The following MBP variants were observed in gnomAD, a reference collection of about 807,000 sequenced individuals.
The protein encoded by MBP is Golli-MBP.
MBP carries 16 observed loss-of-function variants against 35.8 expected under a neutral mutation model. The ratio of observed to expected loss-of-function variants is 0.45; its 90% CI spans 0.30 to 0.68. The LOEUF is 0.68. MBP is among the 30% of genes least tolerant of loss of function. The pLI, the probability that MBP is intolerant of heterozygous loss-of-function variation, is 0.08. For synonymous variants in MBP, 143 were observed against 159.6 expected (o/e 0.90, Z 0.78); for missense variants, 380 against 404.7 (o/e 0.94, Z 0.52).
chr18:77,039,682 A>G (rs1188189521), intron 3 of MBP, among the ~76,000 whole-genome samples: 2 of 152,250 alleles, frequency 1.3e-5, no homozygotes, highest in East Asian at 3.8e-4. Flanking sequence ...GCCTGACCTC[A>G]TCTCTGCTTC....
At chr18:77,051,436 A>G (rs1390509216) in intron 3 of MBP, among the ~76,000 whole-genome samples, 1 of 152,220 alleles carries the variant, frequency 6.6e-6, no homozygotes, top group Non-Finnish European at 1.5e-5. Context: ...TTAACCGTTC[A>G]ACAGTTAAGG....
In MBP at chr18:77,048,755, T is replaced by C. The variant is rs114737902; in HGVS notation, c.139+17543A>G. On this transcript the variant is annotated intron_variant, in intron 3 of 8. Transcript: ENST00000355994. ...TTGGGATTACAGGCGTGAGCCACCA[T>C]GCCCAGCCAATCTCTGTAGGTTCTA... Among the ~76,000 whole-genome samples, 169 of 151,972 alleles carry C rather than the reference T, an allele frequency of 1.1e-3. 1 individual carries two copies. The highest frequency in any genetic ancestry group is 3.9e-3 in the African/African-American group (163 of 41,482).
intron 3 of MBP, among the ~76,000 whole-genome samples, chr18:77,063,588 C>T (rs1399952354): frequency 6.6e-6 from 1 of 152,222 alleles, no homozygotes. Flanking sequence ...GCGAGCCTTG[C>T]TCCGGTGTCC....
intron 3 of MBP, among the ~76,000 whole-genome samples, chr18:77,028,888 A>G (rs1972394178): frequency 3.7e-5 from 4 of 109,188 alleles, no homozygotes; most frequent in Non-Finnish European, 6.7e-5. Context: ...CTCACTTCCC[A>G]GATGGGATGG....
chr18:77,001,579 G>A (rs775853163), intron 4 of MBP, among the ~76,000 whole-genome samples: 11 of 152,192 alleles, frequency 7.2e-5, no homozygotes, highest in East Asian at 1.9e-4. Context: ...GGCCAGGCAC[G>A]GTGGCTCACA....
rs921336 is a variant in MBP at position 77,020,516 on chromosome 18, G to T, written c.140-3248C>A. 0.21 allele frequency among the ~76,000 whole-genome samples: 31,559 copies of T among 152,082 alleles called. 3,821 individuals are homozygous for T. The highest frequency in any genetic ancestry group is 0.36 in the East Asian group (1,849 of 5,156). On this transcript the variant is annotated intron_variant, in intron 3 of 8. Coordinates refer to ENST00000355994, the MANE Select transcript of MBP (RefSeq NM_001025101.2). This position sits in a 1 kb window ranked among gnomAD's most constrained non-coding sequence, Gnocchi z 4.1. ...GCTATGACTCATTGCAATGAGAGGT[G>T]CATGGCGAAGTCCAGGAACCCCTCC...
chr18:77,093,612 T>C (rs1243472546), intron 2 of MBP, among the ~76,000 whole-genome samples: 1 of 152,192 alleles, frequency 6.6e-6, no homozygotes, highest in African/African-American at 2.4e-5. Flanking sequence ...GACGAGAGAC[T>C]TCCTTCGTGA....
chr18:76,990,090 A>G, intron 4 of MBP, 30 bp from the exon 5 acceptor site: 1 of 1,478,718 alleles, frequency 6.8e-7, no homozygotes, highest in Non-Finnish European at 9.4e-7. Context: ...TGACCTCAGG[A>G]CAAGTCCACA....
At chr18:77,056,549 G>A (rs1024856422) in intron 3 of MBP, among the ~76,000 whole-genome samples, 2 of 152,110 alleles carry the variant, frequency 1.3e-5, no homozygotes, top group South Asian at 2.1e-4. Flanking sequence ...TGTGGTAAGC[G>A]CTAATCTGCA....
intron 2 of MBP, among the ~76,000 whole-genome samples, chr18:77,094,899 A>G (rs1246682960): frequency 6.6e-6 from 1 of 152,206 alleles, no homozygotes; most frequent in Non-Finnish European, 1.5e-5. Context: ...TGTGGGCCAC[A>G]TGTGTCTAGA....
At chr18:77,010,403 G>A (rs540338002) in intron 4 of MBP, among the ~76,000 whole-genome samples, 1 of 152,312 alleles carries the variant, frequency 6.6e-6, no homozygotes, top group South Asian at 2.1e-4. Context: ...CACTTTACTT[G>A]CAGAGTTGTA....
chr18:77,082,139 A>C (rs1481833374), intron 2 of MBP, among the ~76,000 whole-genome samples: 1 of 152,220 alleles, frequency 6.6e-6, no homozygotes, highest in South Asian at 2.1e-4. Context: ...GGCGTGAGCC[A>C]CTGCGCCCGG....
chr18:77,090,277 A>G (rs948174707), intron 2 of MBP, among the ~76,000 whole-genome samples: 42 of 152,188 alleles, frequency 2.8e-4, no homozygotes, highest in African/African-American at 9.7e-4. Context: ...ATTAAACGTT[A>G]CTAAATTAAA....
At position 77,131,981 on chromosome 18, in the gene MBP, T is replaced by A. The variant is rs928444863; in HGVS notation, c.-26+599A>T. Among the ~76,000 whole-genome samples the A allele has an allele frequency of 1.3e-5, 2 of 152,072 alleles. No individual in the cohort carries two copies. Among genetic ancestry groups the A allele is most frequent in the African/African-American group, 4.8e-5 (2 of 41,410 alleles). On this transcript the variant is annotated intron_variant, in intron 1 of 8. Transcript: ENST00000355994. The surrounding 1 kb of genome is among the most constrained non-coding windows in gnomAD (Gnocchi z 5.5). ...CCGCCCCTGGAGCTCAGAGGGAGAC[T>A]GCGCTTCGCCCCGGGGGCAGGGGCA...
At chr18:77,092,831 C>T (rs957326523) in intron 2 of MBP, among the ~76,000 whole-genome samples, 1 of 152,202 alleles carries the variant, frequency 6.6e-6, no homozygotes, top group Non-Finnish European at 1.5e-5. Flanking sequence ...GCTCCCCTGA[C>T]CCCCGTTACA....
At chr18:77,082,795 C>T (rs139663918) in intron 2 of MBP, among the ~76,000 whole-genome samples, 1 of 136,998 alleles carries the variant, frequency 7.3e-6, no homozygotes, top group African/African-American at 2.7e-5. Flanking sequence ...CCATGTGGCT[C>T]AGAAGGATGA....
At chr18:77,053,200 G>A (rs1421240321) in intron 3 of MBP, among the ~76,000 whole-genome samples, 1 of 152,170 alleles carries the variant, frequency 6.6e-6, no homozygotes, top group African/African-American at 2.4e-5. Context: ...GAGGGTGGCC[G>A]CATCTGCAGT....
At chr18:76,986,762 C>CT (rs1969581268) in intron 7 of MBP, 1 of 985,378 alleles carries the variant, frequency 1.0e-6, no homozygotes. Context: ...TTAAGTCCTT[C>CT]TGTCTTACTC....
intron 3 of MBP, among the ~76,000 whole-genome samples, chr18:77,053,298 C>G (rs552828379): frequency 2.6e-5 from 4 of 152,230 alleles, no homozygotes; most frequent in Non-Finnish European, 5.9e-5. Context: ...GCAGGTCCAG[C>G]CAAGGGGCAC....
Sources: gnomAD v4.1 joint callset for allele counts (sites outside exome capture counted in the v4.1 genomes callset) on GRCh38, gnomAD v4.1.1 for gene constraint, Gnocchi (gnomAD v3.1) non-coding constraint, MANE v1.5 for transcripts, NCBI Gene and HGNC (gene_info 2026-07-23, HGNC 2026-07-21) for gene names.